Variants in NEDD9 observed in about 807,000 individuals in gnomAD.
NEDD9 encodes enhancer of filamentation 1.
In NEDD9, 26 loss-of-function variants were observed where a neutral mutation model predicts 76.6. The ratio of observed to expected loss-of-function variants is 0.34; its 90% CI spans 0.25 to 0.47. NEDD9 has a LOEUF of 0.47. NEDD9 is among the 20% of genes least tolerant of loss of function. NEDD9 has a pLI of 1.00. For missense variants in NEDD9, 937 were observed against 1,058.5 expected (o/e 0.89, Z 1.59); for synonymous variants, 392 against 414.2 (o/e 0.95, Z 0.65).
intron 2 of NEDD9, among the ~76,000 whole-genome samples, chr6:11,308,626 C>T (rs895346505): frequency 5.5e-4 from 84 of 152,150 alleles, no homozygotes; most frequent in African/African-American, 1.9e-3. Flanking sequence ...ACCTCAGCCT[C>T]CCAAAGTGCT....
At chr6:11,300,595 G>A (rs1282362268) in intron 3 of NEDD9, among the ~76,000 whole-genome samples, 1 of 152,162 alleles carries the variant, frequency 6.6e-6, no homozygotes, top group African/African-American at 2.4e-5. Context: ...AAGAAAAAAT[G>A]TTAAGGGCAG....
chr6:11,335,230 TACA>T (rs1418585518), intron 1 of NEDD9, among the ~76,000 whole-genome samples: 4 of 152,206 alleles, frequency 2.6e-5, no homozygotes, highest in African/African-American at 9.7e-5. Context: ...GTGGATTTTA[TACA>T]ACAACGAGTG....
At chr6:11,205,894 C>G (rs1203348258) in intron 2 of NEDD9, among the ~76,000 whole-genome samples, 1 of 152,154 alleles carries the variant, frequency 6.6e-6, no homozygotes, top group African/African-American at 2.4e-5. Flanking sequence ...TTCCAAAGTG[C>G]TGGAATTACA....
At chr6:11,240,918 CA>C (rs532177192) in intron 3 of NEDD9, among the ~76,000 whole-genome samples, 3 of 152,196 alleles carry the variant, frequency 2.0e-5, no homozygotes, top group Non-Finnish European at 4.4e-5. Flanking sequence ...TTCAGTGGAA[CA>C]AAAGGAGTTT....
rs771647882 is a variant in NEDD9, at chr6:11,198,058, GA to G, written c.460-4367del. On this transcript the variant is annotated intron_variant, in intron 2 of 6. Coordinates refer to ENST00000379446, the MANE Select transcript of NEDD9 (RefSeq NM_006403.4). This position sits in a 1 kb window ranked among gnomAD's most constrained non-coding sequence, Gnocchi z 4.7. ...GACCGAGCAAGCAGGGTGTAGGGAA[GA>G]AACAAGCCAGGCTTTGGTGCCGGGG... is the stretch of plus-strand genomic sequence containing the variant. Among the ~76,000 whole-genome samples the G allele has an allele frequency of 6.6e-6, 1 of 152,050 alleles. No homozygotes were observed. The highest frequency in any genetic ancestry group is 1.5e-5 in the Non-Finnish European group (1 of 67,998).
chr6:11,244,194 C>T (rs913930622), intron 3 of NEDD9, among the ~76,000 whole-genome samples: 7 of 152,104 alleles, frequency 4.6e-5, no homozygotes, highest in African/African-American at 1.7e-4. Context: ...TGTGGGTCTA[C>T]CCTGCAGATT....
Position 11,190,531 on chromosome 6 carries a change from A to G in NEDD9, c.1338T>C (p.Asn446=), listed in dbSNP as rs1157188998. Residue 446 remains asparagine (N), a synonymous_variant, in exon 5 of 7, where the codon AAT becomes AAC. Transcript: ENST00000379446. The surrounding 1 kb of genome is among the most constrained non-coding windows in gnomAD (Gnocchi z 5.8). ...RCYGYMERHI[N]EIRTAVDKVE... ...CCTTGTCCACTGCTGTGCGTATTTC[A>G]TTGATGTGTCTTTCCATATATCCGT... 37 of 1,614,114 alleles carry G rather than the reference A, an allele frequency of 2.3e-5. No homozygotes were observed. The highest frequency in any genetic ancestry group is 3.1e-5 in the Non-Finnish European group (36 of 1,180,020).
intron 2 of NEDD9, among the ~76,000 whole-genome samples, chr6:11,322,964 G>A (rs554854617): frequency 3.1e-4 from 47 of 152,166 alleles, no homozygotes; most frequent in Non-Finnish European, 5.4e-4. Flanking sequence ...ATTAATTCCC[G>A]GCATGGGAGT....
intron 1 of NEDD9, among the ~76,000 whole-genome samples, chr6:11,369,662 T>C (rs1582053881): frequency 6.6e-6 from 1 of 152,334 alleles, no homozygotes; most frequent in South Asian, 2.1e-4. Flanking sequence ...TTAAAAATAT[T>C]TGGGAGTCTA....
At chr6:11,371,138 T>C (rs1762867058) in intron 1 of NEDD9, among the ~76,000 whole-genome samples, 3 of 152,278 alleles carry the variant, frequency 2.0e-5, no homozygotes, top group Middle Eastern at 6.8e-3. Context: ...ACTTTTGGGT[T>C]CACAGCAAAA....
At chr6:11,270,988 G>A (rs1581992031) in intron 3 of NEDD9, among the ~76,000 whole-genome samples, 1 of 152,176 alleles carries the variant, frequency 6.6e-6, no homozygotes, top group Admixed American at 6.6e-5. Flanking sequence ...AAGAGGAACC[G>A]CAGTCAAGTA....
intron 1 of NEDD9, among the ~76,000 whole-genome samples, chr6:11,349,524 T>C (rs1391242212): frequency 6.6e-6 from 1 of 152,166 alleles, no homozygotes; most frequent in Non-Finnish European, 1.5e-5. Context: ...TCAACCACAA[T>C]GGCCATCAAT....
chr6:11,276,239 C>A (rs905126614), intron 3 of NEDD9, among the ~76,000 whole-genome samples: 4 of 152,146 alleles, frequency 2.6e-5, no homozygotes, highest in Non-Finnish European at 4.4e-5. Flanking sequence ...AAGAGAAATG[C>A]CTGTGTTACA....
At chr6:11,191,913 G>A (rs1758154147) in intron 4 of NEDD9, among the ~76,000 whole-genome samples, 1 of 152,212 alleles carries the variant, frequency 6.6e-6, no homozygotes, top group South Asian at 2.1e-4. Context: ...CCTGAGGTGG[G>A]AGGATTGCTT....
intron 1 of NEDD9, among the ~76,000 whole-genome samples, chr6:11,380,894 G>A (rs1414944278): frequency 3.3e-5 from 5 of 151,906 alleles, no homozygotes; most frequent in Non-Finnish European, 5.9e-5. Context: ...CTGCAGCCTC[G>A]ACCTCCTGGG....
At chr6:11,248,046 TA>T (rs573936936) in intron 3 of NEDD9, among the ~76,000 whole-genome samples, 2 of 152,064 alleles carry the variant, frequency 1.3e-5, no homozygotes, top group African/African-American at 4.8e-5. Flanking sequence ...CATAAAGAGT[TA>T]AAAAAAGCTC....
At chr6:11,292,298 G>T (rs1159804057) in intron 3 of NEDD9, among the ~76,000 whole-genome samples, 1 of 152,196 alleles carries the variant, frequency 6.6e-6, no homozygotes, top group Admixed American at 6.5e-5. Context: ...AAGCTTCGAG[G>T]TCACTTTCTG....
At chr6:11,332,322 T>C (rs1762056808) in intron 2 of NEDD9, among the ~76,000 whole-genome samples, 4 of 152,216 alleles carry the variant, frequency 2.6e-5, no homozygotes, top group South Asian at 4.1e-4. Flanking sequence ...CAGTGAACAA[T>C]GGTTCAAGGA....
chr6:11,218,114 G>T (rs1208585565), intron 1 of NEDD9, among the ~76,000 whole-genome samples: 1 of 152,210 alleles, frequency 6.6e-6, no homozygotes, highest in Admixed American at 6.5e-5. Flanking sequence ...CATAGTCTTC[G>T]CTGGATATTT....
Sources: allele counts gnomAD v4.1 joint callset (sites outside exome capture counted in the v4.1 genomes callset), GRCh38; gene constraint gnomAD v4.1.1; non-coding constraint Gnocchi (gnomAD v3.1); transcripts MANE v1.5; gene names NCBI Gene and HGNC (gene_info 2026-07-23, HGNC 2026-07-21).